Variants in SYN2 observed in about 807,000 individuals in gnomAD.
SYN2 encodes synapsin-2.
A neutral mutation model predicts 50.9 loss-of-function variants in SYN2; 19 were observed. That is an observed-to-expected ratio of 0.37 (90% CI 0.26 to 0.55). The LOEUF is 0.55. SYN2 is among the 20% of genes least tolerant of loss of function. The pLI, the probability that SYN2 is intolerant of heterozygous loss-of-function variation, is 0.81. For missense variants in SYN2, 587 were observed against 576.4 expected (o/e 1.02, Z -0.19); for synonymous variants, 255 against 224.9 (o/e 1.13, Z -1.20).
intron 1 of SYN2, among the ~76,000 whole-genome samples, chr3:12,048,110 G>A (rs964581583): frequency 6.6e-6 from 1 of 152,102 alleles, no homozygotes; most frequent in African/African-American, 2.4e-5. Flanking sequence ...GCCTTTTTAT[G>A]CCTTTTTAAG....
chr3:12,121,463 C>T (rs978602559), intron 1 of SYN2, among the ~76,000 whole-genome samples: 1 of 152,072 alleles, frequency 6.6e-6, no homozygotes, highest in South Asian at 2.1e-4. Context: ...AGACTACAGA[C>T]TCTGTGAGGA....
chr3:12,150,588 A>T (rs1000284999), intron 4 of SYN2, among the ~76,000 whole-genome samples: 4 of 152,178 alleles, frequency 2.6e-5, no homozygotes, highest in African/African-American at 7.2e-5. Flanking sequence ...CCATGGAGCT[A>T]TTCCAGTTTC....
intron 7 of SYN2, among the ~76,000 whole-genome samples, chr3:12,166,045 G>T (rs1697782873): frequency 6.6e-6 from 1 of 152,174 alleles, no homozygotes; most frequent in African/African-American, 2.4e-5. Flanking sequence ...GAAATGAGGG[G>T]TTTGGTGAGG....
chr3:12,113,902 A>G (rs933944728), intron 1 of SYN2, among the ~76,000 whole-genome samples: 2 of 152,090 alleles, frequency 1.3e-5, no homozygotes, highest in African/African-American at 2.4e-5. Flanking sequence ...TAGTGTTGCT[A>G]TGAACATTCA....
At chr3:12,080,215 C>A (rs992830025) in intron 1 of SYN2, among the ~76,000 whole-genome samples, 1 of 151,378 alleles carries the variant, frequency 6.6e-6, no homozygotes, top group Admixed American at 6.6e-5. Flanking sequence ...GTCTAGCTAG[C>A]AGTCTATTTT....
At chr3:12,175,434 C>T (rs1439876190) in intron 10 of SYN2, among the ~76,000 whole-genome samples, 3 of 152,214 alleles carry the variant, frequency 2.0e-5, no homozygotes, top group Non-Finnish European at 2.9e-5. Context: ...CTGACTTGCT[C>T]ACAGGCATTG....
At chr3:12,124,687 G>A (rs1000129887) in intron 1 of SYN2, among the ~76,000 whole-genome samples, 1 of 152,126 alleles carries the variant, frequency 6.6e-6, no homozygotes, top group Non-Finnish European at 1.5e-5. Context: ...GCAGGTCGTA[G>A]GCAGATAGAT....
At chr3:12,065,464 G>A (rs1194043160) in intron 1 of SYN2, among the ~76,000 whole-genome samples, 1 of 152,136 alleles carries the variant, frequency 6.6e-6, no homozygotes, top group Admixed American at 6.5e-5. Context: ...GTGCTCAACA[G>A]TGGATTGGAT....
chr3:12,134,529 C>G (rs960906021), intron 1 of SYN2, among the ~76,000 whole-genome samples: 1 of 152,234 alleles, frequency 6.6e-6, no homozygotes, highest in Non-Finnish European at 1.5e-5. Context: ...CCTACTCATT[C>G]TTTAAGACTC....
At chr3:12,084,726 T>C (rs1192607070) in intron 1 of SYN2, among the ~76,000 whole-genome samples, 2 of 152,172 alleles carry the variant, frequency 1.3e-5, no homozygotes, top group Non-Finnish European at 2.9e-5. Flanking sequence ...ATACACATTA[T>C]AAAAAGATGT....
chr3:12,015,604 T>C (rs2125132738), intron 1 of SYN2, among the ~76,000 whole-genome samples: 1 of 152,318 alleles, frequency 6.6e-6, no homozygotes, highest in Admixed American at 6.5e-5. Flanking sequence ...GAAGCATTAA[T>C]TATTGTTACT....
In SYN2 at chr3:12,090,920, GAC is replaced by G. The variant is rs1336616154; in HGVS notation, c.378-49729_378-49728del. On this transcript the variant is annotated intron_variant, in intron 1 of 12. Coordinates refer to ENST00000621198, the MANE Select transcript of SYN2 (RefSeq NM_133625.6). ...GATAGATGTATTTAAAATGTTATAA[GAC>G]AAACTCATGTAAATTTGGCATTCTA... Among the ~76,000 whole-genome samples the G allele has an allele frequency of 1.4e-4, 22 of 152,118 alleles. 1 individual carries two copies. The highest frequency in any genetic ancestry group is 2.6e-4 in the Non-Finnish European group (18 of 68,008).
At chr3:12,185,163 T>C in intron 11 of SYN2, 1 of 985,888 alleles carries the variant, frequency 1.0e-6, no homozygotes, top group Non-Finnish European at 1.2e-6. Context: ...ATATTTGCAC[T>C]TCCAGATGGG....
intron 2 of SYN2, 143 bp from the exon 3 acceptor site, chr3:12,141,762 C>T: frequency 1.6e-6 from 1 of 617,176 alleles, no homozygotes; most frequent in Non-Finnish European, 3.0e-6. Flanking sequence ...CACAGTGTTG[C>T]TATTAGAATT....
At chr3:12,043,297 G>GT (rs1199819240) in intron 1 of SYN2, among the ~76,000 whole-genome samples, 3 of 152,034 alleles carry the variant, frequency 2.0e-5, no homozygotes, top group African/African-American at 4.8e-5. Flanking sequence ...AAAGCACTGG[G>GT]TTTACAGGTG....
chr3:12,115,812 T>G (rs1015596727), intron 1 of SYN2, among the ~76,000 whole-genome samples: 8 of 152,200 alleles, frequency 5.3e-5, no homozygotes, highest in African/African-American at 1.9e-4. Flanking sequence ...TAGCATATAG[T>G]AGGCATTCTG....
intron 1 of SYN2, among the ~76,000 whole-genome samples, chr3:12,097,978 C>T (rs1264902364): frequency 3.3e-5 from 5 of 151,958 alleles, no homozygotes. Flanking sequence ...ATGTTGTGCA[C>T]ATGTACCCTA....
chr3:12,009,641 A>G (rs1693875331), intron 1 of SYN2, among the ~76,000 whole-genome samples: 1 of 152,198 alleles, frequency 6.6e-6, no homozygotes, highest in African/African-American at 2.4e-5. Context: ...CTCCTGAAAA[A>G]TACTGTTTGT....
chr3:12,034,435 C>T (rs1694450818), intron 1 of SYN2, among the ~76,000 whole-genome samples: 2 of 152,008 alleles, frequency 1.3e-5, no homozygotes, highest in Non-Finnish European at 2.9e-5. Context: ...TTTATATGTT[C>T]TAGATAAAAA....
Sources: gnomAD v4.1 joint callset for allele counts (sites outside exome capture counted in the v4.1 genomes callset) on GRCh38, gnomAD v4.1.1 for gene constraint, MANE v1.5 for transcripts, NCBI Gene and HGNC (gene_info 2026-07-23, HGNC 2026-07-21) for gene names.